Variants in AMMECR1 observed in about 807,000 individuals in gnomAD.
AMMECR1 encodes nuclear protein AMMECR1.
AMMECR1 carries 3 observed loss-of-function variants against 22.5 expected under a neutral mutation model. The observed-to-expected ratio is 0.13, with a 90% confidence interval of 0.06 to 0.35. The LOEUF (loss-of-function observed/expected upper bound fraction) is 0.35, where lower values mean the gene tolerates loss of function less well. Ranked by LOEUF, AMMECR1 falls within the 10% of genes least tolerant of loss-of-function variation. The pLI is 1.00. For missense variants in AMMECR1, 235 were observed against 278.7 expected (o/e 0.84, Z 1.12); for synonymous variants, 130 against 116.7 (o/e 1.11, Z -0.74).
chrX:110,352,183 G>C (rs1357642907), intron 2 of AMMECR1, among the ~76,000 whole-genome samples: 2 of 112,100 alleles, frequency 1.8e-5, no homozygotes, highest in Non-Finnish European at 3.8e-5. Context: ...GTTAAACATA[G>C]AGTTATTATA....
chrX:110,270,416 G>T (rs1327459501), intron 1 of AMMECR1, among the ~76,000 whole-genome samples: 1 of 111,551 alleles, frequency 9.0e-6, no homozygotes, highest in East Asian at 2.8e-4. Context: ...CACCAAACTG[G>T]TTAGTGTTAG....
chrX:110,362,084 A>T (rs2068267625), intron 2 of AMMECR1, among the ~76,000 whole-genome samples: 1 of 111,996 alleles, frequency 8.9e-6, no homozygotes, highest in Non-Finnish European at 1.9e-5. Flanking sequence ...TAGTAGGCAC[A>T]TGATTTATTT....
intron 2 of AMMECR1, among the ~76,000 whole-genome samples, chrX:110,240,894 G>A (rs776362894): frequency 1.1e-4 from 12 of 112,097 alleles, no homozygotes; most frequent in Admixed American, 1.0e-3. Flanking sequence ...CCACACTGCA[G>A]TCAAATTAGA....
intron 2 of AMMECR1, among the ~76,000 whole-genome samples, chrX:110,260,473 C>T (rs150480074): frequency 0.024 from 2,666 of 109,642 alleles, 76 homozygotes; most frequent in African/African-American, 0.084. Flanking sequence ...AAAAAATACC[C>T]GGTCATATTT....
chrX:110,349,409 A>G (rs759010935), intron 2 of AMMECR1, among the ~76,000 whole-genome samples: 4 of 111,805 alleles, frequency 3.6e-5, no homozygotes, highest in South Asian at 7.6e-4. Context: ...GGCAAACCCC[A>G]TTACCTCCTA....
intron 1 of AMMECR1, among the ~76,000 whole-genome samples, chrX:110,437,582 C>A (rs907296570): frequency 5.4e-5 from 6 of 112,060 alleles, no homozygotes; most frequent in African/African-American, 1.9e-4. Context: ...ATGCTGCATT[C>A]TTGACCTGTG....
chrX:110,342,156 GTTA>G (rs1032896263), intron 2 of AMMECR1, among the ~76,000 whole-genome samples: 2 of 111,218 alleles, frequency 1.8e-5, no homozygotes, highest in Admixed American at 1.9e-4. Context: ...TTGTTCTATT[GTTA>G]TTAATCTCTA....
At chrX:110,277,532 C>T (rs975930993) in intron 1 of AMMECR1, among the ~76,000 whole-genome samples, 4 of 110,674 alleles carry the variant, frequency 3.6e-5, no homozygotes, top group African/African-American at 1.3e-4. Context: ...CAAACCTGCA[C>T]GTTGTGCACA....
At chrX:110,420,914 G>A (rs1395854537) in intron 2 of AMMECR1, among the ~76,000 whole-genome samples, 4 of 111,584 alleles carry the variant, frequency 3.6e-5, no homozygotes, top group Non-Finnish European at 5.6e-5. Flanking sequence ...CACACACAGC[G>A]CCCTGCACAA....
chrX:110,200,775 A>G (rs1159113542), intron 5 of AMMECR1, among the ~76,000 whole-genome samples, 179 bp downstream of exon 5: 2 of 112,168 alleles, frequency 1.8e-5, no homozygotes, highest in Non-Finnish European at 3.8e-5. Context: ...CATACATCAC[A>G]CAGGCTTTAC....
intron 2 of AMMECR1, among the ~76,000 whole-genome samples, chrX:110,338,799 A>G (rs2068150585): frequency 9.0e-6 from 1 of 111,201 alleles, no homozygotes; most frequent in Admixed American, 9.6e-5. Context: ...ATGTATCCAA[A>G]CCATATCCTT....
intron 2 of AMMECR1, among the ~76,000 whole-genome samples, chrX:110,340,196 C>T (rs2068159034): frequency 9.0e-6 from 1 of 111,129 alleles, no homozygotes; most frequent in South Asian, 3.8e-4. Flanking sequence ...ACAGTGCTCA[C>T]CTCCTAGGAT....
intron 2 of AMMECR1, among the ~76,000 whole-genome samples, chrX:110,399,218 C>T (rs2068548247): frequency 8.9e-6 from 1 of 112,521 alleles, no homozygotes; most frequent in Admixed American, 9.4e-5. Context: ...CTTTCTGTAC[C>T]TTACTTTTAA....
intron 2 of AMMECR1, among the ~76,000 whole-genome samples, chrX:110,336,930 T>G (rs2068144011): frequency 1.8e-5 from 2 of 111,452 alleles, no homozygotes; most frequent in Admixed American, 9.6e-5. Flanking sequence ...TTCTTGGATA[T>G]GTCAAAAATC....
chrX:110,267,220 G>T (rs988337808), intron 1 of AMMECR1, among the ~76,000 whole-genome samples: 3 of 110,385 alleles, frequency 2.7e-5, no homozygotes, highest in African/African-American at 9.9e-5. Context: ...GGGATTGCTG[G>T]GTCAAATGGT....
intron 2 of AMMECR1, among the ~76,000 whole-genome samples, chrX:110,249,033 A>G: frequency 8.9e-6 from 1 of 112,067 alleles, no homozygotes; most frequent in Non-Finnish European, 1.9e-5. Context: ...ATGGAAGTTC[A>G]GAATACCAAA....
chrX:110,377,369 C>T (rs2068384236), intron 2 of AMMECR1, among the ~76,000 whole-genome samples: 1 of 111,828 alleles, frequency 8.9e-6, no homozygotes, highest in African/African-American at 3.3e-5. Context: ...ACACCGATAC[C>T]TACAGTCTTC....
intron 2 of AMMECR1, among the ~76,000 whole-genome samples, chrX:110,253,357 G>A (rs1438440499): frequency 8.9e-6 from 1 of 112,691 alleles, no homozygotes; most frequent in Non-Finnish European, 1.9e-5. Flanking sequence ...CGTTGTTTGT[G>A]CCATTTTGGC....
chrX:110,283,344 C>T (rs1210740642), intron 1 of AMMECR1, among the ~76,000 whole-genome samples: 1 of 112,607 alleles, frequency 8.9e-6, no homozygotes, highest in African/African-American at 3.2e-5. Context: ...AGGAAGTCTG[C>T]TATCCAAAAA....
Sources: allele counts gnomAD v4.1 joint callset (sites outside exome capture counted in the v4.1 genomes callset), GRCh38; gene constraint gnomAD v4.1.1; transcripts MANE v1.5; gene names NCBI Gene and HGNC (gene_info 2026-07-23, HGNC 2026-07-21).